OLA1: variants seen among roughly 807,000 people sequenced by gnomAD.
OLA1 encodes Obg like ATPase 1, also known as obg-like ATPase 1.
A neutral mutation model predicts 48.4 loss-of-function variants in OLA1; 14 were observed. That is an observed-to-expected ratio of 0.29 (90% confidence interval 0.19 to 0.45). OLA1 has a LOEUF of 0.45. OLA1 is among the 20% of genes least tolerant of loss of function. OLA1 has a pLI of 1.00. For missense variants in OLA1, 325 were observed against 467.1 expected (o/e 0.70, Z 2.80); for synonymous variants, 127 against 150.4 (o/e 0.84, Z 1.14).
At chr2:174,235,903 G>A (rs1394660463) in intron 2 of OLA1, among the ~76,000 whole-genome samples, 4 of 152,170 alleles carry the variant, frequency 2.6e-5, no homozygotes, top group Admixed American at 6.5e-5. Flanking sequence ...ACATTCCTAT[G>A]AGCCACAGTG....
At chr2:174,206,779 G>A (rs1405749831) in intron 4 of OLA1, among the ~76,000 whole-genome samples, 1 of 152,178 alleles carries the variant, frequency 6.6e-6, no homozygotes, top group Admixed American at 6.5e-5. Context: ...ATATGTAGAT[G>A]AGAACCACTG....
rs553925106 is a variant in OLA1 at position 174,182,729 on chromosome 2, T to C, written c.373+40304A>G. Among the ~76,000 whole-genome samples the C allele has an allele frequency of 3.3e-5, 5 of 152,260 alleles. No individual in the cohort carries two copies. The South Asian group carries it at 1.0e-3, about 32-fold the overall frequency. Reference sequence around the variant, plus strand: ...TAAAAAAACCCACTGTTTTCATCCCTCAATTCACCATCTTTTCAACAACCT... The same window carrying C: ...TAAAAAAACCCACTGTTTTCATCCCCCAATTCACCATCTTTTCAACAACCT... On this transcript the variant is annotated intron_variant, in intron 4 of 10. Transcript: ENST00000284719.
chr2:174,091,869 CAAAAAAAAAAAAAAAAAAAAAAAA>C (rs1174747360), intron 7 of OLA1, among the ~76,000 whole-genome samples: 24 of 22,980 alleles, frequency 1.0e-3, no homozygotes, highest in African/African-American at 3.0e-3. Flanking sequence ...GACTCTGCCT[CAAAAAAAAAAAAAAAAAAAAAAAA>C]AAAAAAAAAA....
chr2:174,196,099 G>A (rs1360450949), intron 4 of OLA1, among the ~76,000 whole-genome samples: 2 of 151,958 alleles, frequency 1.3e-5, no homozygotes, highest in Admixed American at 6.6e-5. Flanking sequence ...ATGCTCATGC[G>A]AATATAAAAG....
chr2:174,127,186 T>C (rs75719921), intron 5 of OLA1, among the ~76,000 whole-genome samples: 20,261 of 152,222 alleles, frequency 0.13, 1,781 homozygotes, highest in Non-Finnish European at 0.2. Flanking sequence ...TAAATTCCCA[T>C]AGCTAGTAAG....
intron 9 of OLA1, 85 bp from the exon 10 acceptor site, chr2:174,079,175 T>C (rs944531722): frequency 1.7e-5 from 20 of 1,157,762 alleles, no homozygotes; most frequent in Non-Finnish European, 2.4e-5. Flanking sequence ...GATCTGCAGT[T>C]GGGCTCAACT....
intron 7 of OLA1, among the ~76,000 whole-genome samples, chr2:174,107,327 A>G (rs966034959): frequency 4.6e-5 from 7 of 152,156 alleles, no homozygotes; most frequent in Non-Finnish European, 1.0e-4. Context: ...TCCACGCTCT[A>G]TTAGCCACAA....
intron 4 of OLA1, among the ~76,000 whole-genome samples, chr2:174,182,208 A>G (rs1188876552): frequency 1.3e-5 from 2 of 152,192 alleles, no homozygotes; most frequent in Admixed American, 6.5e-5. Context: ...TACATGTATT[A>G]TATGCAATTT....
intron 10 of OLA1, among the ~76,000 whole-genome samples, chr2:174,076,950 T>TA: frequency 6.6e-6 from 1 of 152,222 alleles, no homozygotes; most frequent in East Asian, 1.9e-4. Context: ...ATCAAGTACA[T>TA]ATTGACATGA....
intron 4 of OLA1, among the ~76,000 whole-genome samples, chr2:174,200,734 TC>T (rs1403727907): frequency 6.6e-6 from 1 of 151,946 alleles, no homozygotes; most frequent in African/African-American, 2.4e-5. Context: ...AACAACTTTA[TC>T]CAAAGAAAAC....
intron 4 of OLA1, among the ~76,000 whole-genome samples, chr2:174,179,554 G>A (rs1245520204): frequency 6.6e-6 from 1 of 151,828 alleles, no homozygotes. Flanking sequence ...AACAGAAAAA[G>A]ACTCATGTGG....
intron 2 of OLA1, among the ~76,000 whole-genome samples, chr2:174,237,298 A>G (rs1688878692): frequency 6.6e-6 from 1 of 152,064 alleles, no homozygotes; most frequent in Non-Finnish European, 1.5e-5. Flanking sequence ...TTTGTCCCAC[A>G]GGAAGGTTTT....
chr2:174,213,699 T>C (rs1434655757), intron 4 of OLA1, among the ~76,000 whole-genome samples: 1 of 152,180 alleles, frequency 6.6e-6, no homozygotes, highest in Non-Finnish European at 1.5e-5. Context: ...TTAAAAAGAA[T>C]TTGCTTCCTA....
intron 4 of OLA1, among the ~76,000 whole-genome samples, chr2:174,218,781 T>G (rs1688422176): frequency 6.6e-6 from 1 of 152,084 alleles, no homozygotes; most frequent in Non-Finnish European, 1.5e-5. Flanking sequence ...GGGGACATTA[T>G]TTGGGGGTAA....
chr2:174,163,708 A>G (rs1687068738), intron 4 of OLA1, among the ~76,000 whole-genome samples: 1 of 35,538 alleles, frequency 2.8e-5, no homozygotes, highest in Non-Finnish European at 5.0e-5. Context: ...AAATAAATAA[A>G]TAAATATATA....
At chr2:174,154,766 A>G (rs888366794) in intron 4 of OLA1, among the ~76,000 whole-genome samples, 46 of 152,234 alleles carry the variant, frequency 3.0e-4, no homozygotes, top group Non-Finnish European at 1.5e-4. Context: ...TTTATTAGCA[A>G]TACTGTAAGA....
intron 4 of OLA1, among the ~76,000 whole-genome samples, chr2:174,217,673 G>C (rs976331926): frequency 3.9e-5 from 6 of 152,040 alleles, no homozygotes; most frequent in Non-Finnish European, 8.8e-5. Flanking sequence ...TTTCCTCACA[G>C]CCCTTTATAA....
intron 4 of OLA1, among the ~76,000 whole-genome samples, chr2:174,188,736 A>G (rs1687711194): frequency 6.6e-6 from 1 of 152,146 alleles, no homozygotes; most frequent in African/African-American, 2.4e-5. Flanking sequence ...ACATATACAA[A>G]CTTTTGTTTC....
chr2:174,142,826 C>T (rs886972542), intron 4 of OLA1, among the ~76,000 whole-genome samples: 6 of 152,122 alleles, frequency 3.9e-5, no homozygotes, highest in African/African-American at 1.4e-4. Flanking sequence ...AAAAAATGAA[C>T]AAATACTAAG....
Sources: allele counts gnomAD v4.1 joint callset (sites outside exome capture counted in the v4.1 genomes callset), GRCh38; gene constraint gnomAD v4.1.1; transcripts MANE v1.5; gene names NCBI Gene and HGNC (gene_info 2026-07-23, HGNC 2026-07-21).